STK3: variants seen among roughly 807,000 people sequenced by gnomAD.
STK3 encodes serine/threonine kinase 3.
STK3 carries 41 observed loss-of-function variants against 58.0 expected under a neutral mutation model. That is an observed-to-expected ratio of 0.71 (90% confidence interval 0.55 to 0.92). The LOEUF is 0.92. Among genes scored for constraint, STK3 ranks in the 40% least tolerant of loss-of-function variants. The pLI is 0.00. For missense variants in STK3, 479 were observed against 602.7 expected (o/e 0.79, Z 2.15); for synonymous variants, 170 against 191.0 (o/e 0.89, Z 0.91).
intron 3 of STK3, among the ~76,000 whole-genome samples, chr8:98,418,543 G>A (rs1037120058): frequency 1.3e-5 from 2 of 152,218 alleles, no homozygotes; most frequent in African/African-American, 2.4e-5. Flanking sequence ...ACAGCAGAAG[G>A]GCGAGGGCTG....
At chr8:98,352,009 T>C in the STK3 span, among the ~76,000 whole-genome samples, 6 of 151,894 alleles carry the variant, frequency 4.0e-5, no homozygotes, top group East Asian at 7.7e-4. Context: ...AATACAAAAA[T>C]TAGCCAGATC....
chr8:98,715,659 T>C (rs1331341616), intron 4 of STK3, among the ~76,000 whole-genome samples: 4 of 152,100 alleles, frequency 2.6e-5, no homozygotes, highest in Non-Finnish European at 4.4e-5. Flanking sequence ...TGTGGAGAAA[T>C]AGGAACACTT....
intron 6 of STK3, among the ~76,000 whole-genome samples, chr8:98,680,977 C>CTTTT (rs1391524485): frequency 7.5e-6 from 1 of 133,380 alleles, no homozygotes. Context: ...CTAACCCCAC[C>CTTTT]TTTCTTTTTT....
At chr8:98,866,490 G>A (rs1031631562) in intron 3 of STK3, among the ~76,000 whole-genome samples, 1 of 152,316 alleles carries the variant, frequency 6.6e-6, no homozygotes, top group Non-Finnish European at 1.5e-5. Flanking sequence ...ATTTCGTTGA[G>A]ACATAGGTAG....
At chr8:98,808,999 T>A (rs924589264) in intron 1 of STK3, among the ~76,000 whole-genome samples, 2 of 152,104 alleles carry the variant, frequency 1.3e-5, no homozygotes, top group Non-Finnish European at 2.9e-5. Context: ...GGGTGAAGCC[T>A]CCATAAAAAC....
chr8:98,362,502 G>A, the STK3 span, among the ~76,000 whole-genome samples: 198 of 152,236 alleles, frequency 1.3e-3, 3 homozygotes, highest in African/African-American at 4.1e-3. Flanking sequence ...AATCCACTGC[G>A]CTTTAGAAGA....
At chr8:98,452,757 ATTTTTTTTTTTTT>A (rs11329886), downstream of STK3, among the ~76,000 whole-genome samples, 1 of 110,470 alleles carries the variant, frequency 9.1e-6, no homozygotes, top group Admixed American at 9.6e-5. Context: ...AGACTTGAAG[ATTTTTTTTTTTTT>A]TTTTTTTTGA....
intron 10 of STK3, among the ~76,000 whole-genome samples, chr8:98,488,834 A>G (rs893817786): frequency 6.6e-6 from 1 of 152,220 alleles, no homozygotes; most frequent in Non-Finnish European, 1.5e-5. Flanking sequence ...CCAGGCATAC[A>G]GTCATTCGGA....
At chr8:98,853,766 C>T (rs1414281392) in intron 3 of STK3, among the ~76,000 whole-genome samples, 1 of 152,014 alleles carries the variant, frequency 6.6e-6, no homozygotes, top group Non-Finnish European at 1.5e-5. Context: ...GAAACTGACT[C>T]CAGAAGAAAT....
At chr8:98,928,898 G>C (rs1385612575) in intron 1 of STK3, among the ~76,000 whole-genome samples, 1 of 152,196 alleles carries the variant, frequency 6.6e-6, no homozygotes. Context: ...TGGACTACTG[G>C]GAGAAGCTCC....
chr8:98,720,673 C>A (rs1057468529), intron 4 of STK3, among the ~76,000 whole-genome samples: 2 of 150,978 alleles, frequency 1.3e-5, no homozygotes, highest in African/African-American at 4.9e-5. Context: ...ATGGCATGAA[C>A]CCGGGAGGTG....
chr8:98,629,645 A>C (rs1344816952), intron 6 of STK3, among the ~76,000 whole-genome samples: 1 of 152,224 alleles, frequency 6.6e-6, no homozygotes, highest in African/African-American at 2.4e-5. Flanking sequence ...TCCTGACCAG[A>C]CCAATGGAGG....
At chr8:98,882,315 A>G (rs1034143611), downstream of STK3, 1 of 152,050 alleles carries the variant, frequency 6.6e-6, no homozygotes, top group Admixed American at 6.6e-5. Flanking sequence ...TTTCTAATCA[A>G]TGATACATTT....
In STK3 at chr8:98,435,336, T is replaced by C. The variant is rs915776130; in HGVS notation, n.292-1018A>G. On this transcript the variant is annotated intron_variant and non_coding_transcript_variant, in intron 2 of 3. Coordinates refer to the STK3 transcript ENST00000517832. ...AGAGAAGGAGGCTGAAGCACCAGCATGTGTGCAGAACATCGAAGTCAGTAA... is the reference window on the plus strand; with the variant it reads ...AGAGAAGGAGGCTGAAGCACCAGCACGTGTGCAGAACATCGAAGTCAGTAA... Among the ~76,000 whole-genome samples, 8 of 152,150 alleles carry C rather than the reference T, an allele frequency of 5.3e-5. No individual in the cohort carries two copies. The East Asian group carries it at 1.5e-3, about 29-fold the overall frequency.
intron 3 of STK3, among the ~76,000 whole-genome samples, chr8:98,836,522 C>T (rs1167970102): frequency 6.6e-6 from 1 of 152,210 alleles, no homozygotes; most frequent in Non-Finnish European, 1.5e-5. Context: ...CAAACAATAG[C>T]ACCTATATTC....
At chr8:98,540,794 T>TGGTGGGGGC in intron 9 of STK3, among the ~76,000 whole-genome samples, 1 of 147,488 alleles carries the variant, frequency 6.8e-6, no homozygotes, top group Non-Finnish European at 1.5e-5. Context: ...GCAACTGGGG[T>TGGTGGGGGC]GGTGGGGGCG....
At chr8:98,554,879 A>T (rs1198472889) in intron 8 of STK3, among the ~76,000 whole-genome samples, 2 of 152,046 alleles carry the variant, frequency 1.3e-5, no homozygotes, top group Non-Finnish European at 2.9e-5. Context: ...ATAATGAAAC[A>T]TTTATGTTTT....
chr8:98,453,514 G>A (rs1819298162), downstream of STK3, among the ~76,000 whole-genome samples: 1 of 151,990 alleles, frequency 6.6e-6, no homozygotes, highest in South Asian at 2.1e-4. Context: ...AGTTTCCTAG[G>A]GCTCTAAAAT....
chr8:98,684,914 A>T (rs1365553758), intron 6 of STK3, among the ~76,000 whole-genome samples: 1 of 152,206 alleles, frequency 6.6e-6, no homozygotes, highest in Non-Finnish European at 1.5e-5. Flanking sequence ...AGTCAGAGTG[A>T]ATCACAAATA....
Sources: gnomAD v4.1 joint callset for allele counts (sites outside exome capture counted in the v4.1 genomes callset) on GRCh38, gnomAD v4.1.1 for gene constraint, MANE v1.5 for transcripts, NCBI Gene and HGNC (gene_info 2026-07-23, HGNC 2026-07-21) for gene names.